SENP1: variants seen among roughly 807,000 people sequenced by gnomAD.
SENP1 encodes the protein sentrin-specific protease 1.
A neutral mutation model predicts 93.0 loss-of-function variants in SENP1; 21 were observed. The ratio of observed to expected loss-of-function variants is 0.23; its 90% CI spans 0.16 to 0.33. The LOEUF is 0.33. Ranked by LOEUF, SENP1 falls within the 10% of genes least tolerant of loss-of-function variation. The probability of loss-of-function intolerance (pLI) is 1.00; values close to 1 mark genes in which losing one functional copy is unlikely to be tolerated. For missense variants in SENP1, 591 were observed against 758.7 expected (o/e 0.78, Z 2.60); for synonymous variants, 256 against 259.6 (o/e 0.99, Z 0.13).
chr12:48,067,754 G>A (rs917820146), intron 9 of SENP1, among the ~76,000 whole-genome samples: 8 of 152,018 alleles, frequency 5.3e-5, no homozygotes, highest in South Asian at 4.2e-4. Flanking sequence ...TGGGAGAATC[G>A]CTTGAGCCAA....
chr12:48,089,156 T>C (rs770757043), intron 4 of SENP1, 196 bp from the exon 5 acceptor site: 8 of 1,560,888 alleles, frequency 5.1e-6, no homozygotes, highest in East Asian at 4.8e-5. Context: ...GATTCAGCCA[T>C]ACTAACCTGA....
chr12:48,091,685 A>G (rs1263345847), intron 4 of SENP1, among the ~76,000 whole-genome samples: 1 of 151,280 alleles, frequency 6.6e-6, no homozygotes, highest in African/African-American at 2.4e-5. Flanking sequence ...AGGGTTAAAC[A>G]TTTTTTTTTC....
chr12:48,076,666 C>G (rs924482758), intron 6 of SENP1, among the ~76,000 whole-genome samples: 1 of 147,732 alleles, frequency 6.8e-6, no homozygotes, highest in Admixed American at 6.9e-5. Context: ...TTTTTTGAGA[C>G]GGAGTCTCAC....
intron 13 of SENP1, among the ~76,000 whole-genome samples, chr12:48,051,082 G>GA (rs5798058): frequency 0.25 from 32,428 of 131,522 alleles, 4,126 homozygotes; most frequent in East Asian, 0.56. Flanking sequence ...AGTCTGAAGT[G>GA]AAAAAAAAAA....
intron 6 of SENP1, among the ~76,000 whole-genome samples, chr12:48,076,496 T>G (rs906775181): frequency 5.3e-5 from 8 of 152,186 alleles, no homozygotes; most frequent in Non-Finnish European, 7.4e-5. Flanking sequence ...AGCTAATTTT[T>G]TTTTTTTTAA....
At chr12:48,046,324 T>A (rs779787604) in intron 17 of SENP1, 32 bp downstream of exon 17, 1 of 1,468,014 alleles carries the variant, frequency 6.8e-7, no homozygotes. Flanking sequence ...GACAAAGTAA[T>A]CCTAGAGCTC....
chr12:48,077,106 G>A (rs1210465035), intron 6 of SENP1, among the ~76,000 whole-genome samples: 1 of 152,182 alleles, frequency 6.6e-6, no homozygotes, highest in Non-Finnish European at 1.5e-5. Flanking sequence ...AGTTTGCCTA[G>A]GATAATGTCT....
chr12:48,104,516 T>G (rs1946307751), intron 1 of SENP1, among the ~76,000 whole-genome samples: 1 of 152,300 alleles, frequency 6.6e-6, no homozygotes, highest in South Asian at 2.1e-4. Context: ...TTAAATACCT[T>G]AACACTCTAA....
intron 13 of SENP1, among the ~76,000 whole-genome samples, chr12:48,056,352 ATATAT>A (rs1565743538): frequency 2.0e-5 from 2 of 98,152 alleles, no homozygotes; most frequent in Non-Finnish European, 3.9e-5. Context: ...ATTACATATA[ATATAT>A]TATTTAATAT....
At position 48,048,088 on chromosome 12, in the gene SENP1, T is replaced by C. The variant is rs1941505958; in HGVS notation, c.1612-8A>G. The C allele has an allele frequency of 5.1e-6, 8 of 1,576,838 alleles. No homozygotes were observed. Among genetic ancestry groups the C allele is most frequent in the Non-Finnish European group, 6.1e-6 (7 of 1,147,422 alleles). On this transcript the variant is annotated splice_polypyrimidine_tract_variant and splice_region_variant and intron_variant, in intron 14 of 17. Coordinates refer to ENST00000549518, the MANE Select transcript of SENP1 (RefSeq NM_001267594.2). Reference sequence around the variant, plus strand: ...CTTTCTAAAGTCCACAACCTGAGAATAAGAAAAAAAGTCTCTGTGTTTATG... The same window carrying C: ...CTTTCTAAAGTCCACAACCTGAGAACAAGAAAAAAAGTCTCTGTGTTTATG...
At chr12:48,061,472 G>A (rs7138917) in intron 13 of SENP1, among the ~76,000 whole-genome samples, 74,818 of 152,080 alleles carry the variant, frequency 0.49, 18,839 homozygotes, top group East Asian at 0.83. Flanking sequence ...CAGTGGCTCA[G>A]TCATAGCTCA....
intron 6 of SENP1, among the ~76,000 whole-genome samples, chr12:48,078,131 T>C (rs921121834): frequency 1.3e-5 from 2 of 151,572 alleles, no homozygotes; most frequent in African/African-American, 2.4e-5. Flanking sequence ...GTAGGTCTTT[T>C]ACTTCCTTGG....
chr12:48,083,482 A>G, intron 6 of SENP1, 109 bp downstream of exon 6: 1 of 840,752 alleles, frequency 1.2e-6, no homozygotes, highest in Non-Finnish European at 1.9e-6. Flanking sequence ...AAGCACAGGA[A>G]GGATAAAATA....
intron 9 of SENP1, 139 bp from the exon 10 acceptor site, chr12:48,067,104 A>G (rs953357768): frequency 3.2e-6 from 2 of 631,380 alleles, no homozygotes; most frequent in South Asian, 2.0e-5. Flanking sequence ...AGGAATCTAA[A>G]TGACATAAAA....
At chr12:48,056,018 AACTTAATAT>A (rs1326898703) in intron 13 of SENP1, among the ~76,000 whole-genome samples, 3 of 129,120 alleles carry the variant, frequency 2.3e-5, no homozygotes, top group East Asian at 4.5e-4. Flanking sequence ...TTTAATATAT[AACTTAATAT>A]ACTTAATATA....
intron 14 of SENP1, 48 bp from the exon 15 acceptor site, chr12:48,048,128 G>C: frequency 4.6e-6 from 6 of 1,311,042 alleles, no homozygotes; most frequent in Non-Finnish European, 6.6e-6. Context: ...GAAGAAAATC[G>C]GTTTATCAGT....
intron 10 of SENP1, 30 bp downstream of exon 10, chr12:48,066,897 G>A: frequency 6.7e-7 from 1 of 1,497,356 alleles, no homozygotes; most frequent in South Asian, 1.2e-5. Flanking sequence ...AACTGATTGA[G>A]AAGGAAAAAT....
intron 2 of SENP1, among the ~76,000 whole-genome samples, chr12:48,099,980 C>T (rs1412316096): frequency 6.6e-6 from 1 of 151,982 alleles, no homozygotes; most frequent in African/African-American, 2.4e-5. Flanking sequence ...ATAAACGTAA[C>T]AGAATTCAAC....
At chr12:48,092,693 C>CA (rs1244885674) in intron 4 of SENP1, among the ~76,000 whole-genome samples, 9 of 151,198 alleles carry the variant, frequency 6.0e-5, no homozygotes, top group Admixed American at 2.0e-4. Context: ...TTTTCTTCTC[C>CA]AAAAAAAAGG....
Sources: allele counts gnomAD v4.1 joint callset (sites outside exome capture counted in the v4.1 genomes callset), GRCh38; gene constraint gnomAD v4.1.1; transcripts MANE v1.5; gene names NCBI Gene and HGNC (gene_info 2026-07-23, HGNC 2026-07-21).